The following TANC1 variants were observed in gnomAD, a reference collection of about 807,000 sequenced individuals.
TANC1 encodes the protein protein TANC1.
A neutral mutation model predicts 149.7 loss-of-function variants in TANC1; 77 were observed. The observed-to-expected ratio is 0.51, with a 90% CI of 0.43 to 0.62. TANC1 has a LOEUF of 0.62. Among genes scored for constraint, TANC1 ranks in the 20% least tolerant of loss-of-function variants. The pLI is 0.00. For synonymous variants in TANC1, 854 were observed against 925.0 expected, an observed-to-expected ratio of 0.92 and a Z score of 1.39; for missense variants, 1,985 against 2,321.8, an observed-to-expected ratio of 0.85 and a Z score of 2.98.
At chr2:159,209,471 G>A (rs149781492) in intron 19 of TANC1, among the ~76,000 whole-genome samples, 61 of 152,264 alleles carry the variant, frequency 4.0e-4, no homozygotes, top group African/African-American at 1.2e-3. Context: ...AAGGTGGGGC[G>A]GGGAGGCAAG....
At position 159,049,371 on chromosome 2, in the gene TANC1, G is replaced by T. The variant is rs191615936; in HGVS notation, c.-15-16525G>T. Among the ~76,000 whole-genome samples the T allele has an allele frequency of 1.5e-3, 189 of 123,330 alleles. 1 individual carries two copies. Among genetic ancestry groups the T allele is most frequent in the African/African-American group, 5.5e-3 (184 of 33,554 alleles). The allele number at this position is 123,330 out of a possible 152,430, so 80.9% of individuals were successfully genotyped here. A position where few individuals can be genotyped will look rare whatever the true frequency, so the allele number is the denominator to read the frequency against. On this transcript the variant is annotated intron_variant, in intron 2 of 26. Transcript: ENST00000263635. ...TTTTACAAGGGTTACATTGGTTTAT[G>T]TTAGGATTCAAGAAGAATTTATGTA...
At chr2:158,999,242 G>A (rs780316013) in intron 1 of TANC1, among the ~76,000 whole-genome samples, 4 of 152,136 alleles carry the variant, frequency 2.6e-5, no homozygotes, top group African/African-American at 9.7e-5. Flanking sequence ...ACCATCTGCA[G>A]CTCCCTGGGG....
intron 2 of TANC1, among the ~76,000 whole-genome samples, chr2:159,009,005 A>G (rs931623016): frequency 3.9e-5 from 6 of 152,148 alleles, no homozygotes; most frequent in Non-Finnish European, 8.8e-5. Context: ...GATCTTGGGG[A>G]CTGGGCTTAA....
intron 16 of TANC1, among the ~76,000 whole-genome samples, chr2:159,191,938 T>C (rs1032011575): frequency 6.6e-6 from 1 of 152,118 alleles, no homozygotes; most frequent in Non-Finnish European, 1.5e-5. Context: ...GTCAGGACCA[T>C]TGAAGTAAGC....
chr2:159,062,886 GAACCCGGGAAGCGGAGC>G, intron 2 of TANC1, among the ~76,000 whole-genome samples: 1 of 146,770 alleles, frequency 6.8e-6, no homozygotes, highest in South Asian at 2.2e-4. Context: ...AGAATGGCGT[GAACCCGGGAAGCGGAGC>G]TTGCAGTGAG....
At chr2:159,104,981 CT>C (rs146778655) in intron 4 of TANC1, among the ~76,000 whole-genome samples, 1 of 43,386 alleles carries the variant, frequency 2.3e-5, no homozygotes, top group Admixed American at 2.7e-4. Context: ...TGGATATTTG[CT>C]TTTTTTTTTT....
chr2:158,991,092 A>C (rs2035578934), intron 1 of TANC1, among the ~76,000 whole-genome samples: 2 of 33,200 alleles, frequency 6.0e-5, no homozygotes, highest in African/African-American at 1.1e-4. Context: ...ATCCTGTGTC[A>C]AAAAAAAAAA....
intron 3 of TANC1, among the ~76,000 whole-genome samples, chr2:159,094,836 G>A (rs1227899856): frequency 1.3e-5 from 2 of 152,110 alleles, no homozygotes; most frequent in East Asian, 1.9e-4. Context: ...AGGAGGAAAG[G>A]CCTCTAACTC....
At chr2:159,035,815 AAGG>A (rs2040144204) in intron 2 of TANC1, among the ~76,000 whole-genome samples, 2 of 152,106 alleles carry the variant, frequency 1.3e-5, no homozygotes, top group East Asian at 3.9e-4. Flanking sequence ...TAAACTCAGA[AAGG>A]ACTTTTCCCC....
Position 159,163,448 on chromosome 2 carries a change from G to A in TANC1, c.848G>A (p.Ser283Asn). 2 of 1,614,092 alleles carry A rather than the reference G, an allele frequency of 1.2e-6. No homozygotes were observed. The highest frequency in any genetic ancestry group is 8.5e-7 in the Non-Finnish European group (1 of 1,180,014). The change falls in exon 8 of 27, where the codon AGC becomes AAC. Residue 283 changes from serine to asparagine, a missense_variant. This residue lies in a region of TANC1 where 557 missense variants were observed against 612.9 expected (regional missense o/e 0.91). Transcript: ENST00000263635. ...AEEETTGSAE[S>N]TLPKAESSAG... ...GAGGAGACCACCGGGTCAGCAGAGA[G>A]CACGCTGCCCAAAGCAGAATCCTCA...
At chr2:159,216,197 T>C (rs2059335474) in intron 19 of TANC1, among the ~76,000 whole-genome samples, 2 of 152,186 alleles carry the variant, frequency 1.3e-5, no homozygotes, top group Admixed American at 1.3e-4. Flanking sequence ...ATAGGCTCCC[T>C]GGCATGGGGA....
rs370179463 is a variant in TANC1 at position 159,229,873 on chromosome 2, G to A, written c.4447G>A (p.Val1483Ile). ...PTPRSQPSSS[V>I]PSSYIRNLQE... Reference sequence around the variant, plus strand: ...TCCCAGGTCCCAGCCATCCTCATCTGTCCCTTCCTCATACATCCGAAACCT... The same window carrying A: ...TCCCAGGTCCCAGCCATCCTCATCTATCCCTTCCTCATACATCCGAAACCT... The change falls in exon 27 of 27, where the codon GTC becomes ATC. Residue 1483 changes from valine (V) to isoleucine (I), a missense_variant. Val to Ile is a conservative substitution (Grantham distance 29). This residue lies in a region of TANC1 where 920 missense variants were observed against 994.7 expected (regional missense o/e 0.92). Coordinates refer to ENST00000263635, the MANE Select transcript of TANC1 (RefSeq NM_033394.3). 7 of 1,614,092 alleles carry A rather than the reference G, an allele frequency of 4.3e-6. No individual in the cohort carries two copies. Among genetic ancestry groups the A allele is most frequent in the Admixed American group, 1.7e-5 (1 of 60,022 alleles).
At chr2:159,204,228 T>C (rs780053262) in intron 19 of TANC1, among the ~76,000 whole-genome samples, 26 of 152,112 alleles carry the variant, frequency 1.7e-4, no homozygotes, top group Non-Finnish European at 3.1e-4. Flanking sequence ...GTGAGGGAGA[T>C]GTTCACTTGC....
intron 8 of TANC1, among the ~76,000 whole-genome samples, chr2:159,168,762 A>G (rs1002584554): frequency 4.0e-4 from 61 of 152,318 alleles, no homozygotes; most frequent in African/African-American, 1.4e-3. Flanking sequence ...GAATATGATT[A>G]TACTATTACT....
intron 4 of TANC1, among the ~76,000 whole-genome samples, chr2:159,105,183 A>G (rs1218762535): frequency 5.3e-5 from 8 of 150,052 alleles, no homozygotes; most frequent in African/African-American, 9.8e-5. Context: ...TTTAGTAGAG[A>G]CGGGGTTTCA....
chr2:159,025,364 A>C (rs554607748), intron 2 of TANC1, among the ~76,000 whole-genome samples: 2 of 152,056 alleles, frequency 1.3e-5, no homozygotes, highest in South Asian at 4.2e-4. Context: ...GTTGTTAACT[A>C]TAGCCTTCAT....
chr2:159,020,055 C>T (rs1176847449), intron 2 of TANC1, among the ~76,000 whole-genome samples: 1 of 152,116 alleles, frequency 6.6e-6, no homozygotes, highest in Non-Finnish European at 1.5e-5. Context: ...TGTAGAACTT[C>T]GTAATTTATT....
chr2:159,169,837 A>G (rs2055005033), intron 9 of TANC1, among the ~76,000 whole-genome samples: 1 of 152,130 alleles, frequency 6.6e-6, no homozygotes, highest in Non-Finnish European at 1.5e-5. Flanking sequence ...TGTTAAAAAT[A>G]TAAAAATTAG....
Position 159,150,538 on chromosome 2 carries a change from A to T in TANC1, c.664A>T (p.Lys222Ter). 6.2e-7 allele frequency: 1 copy of T among 1,613,908 alleles called. No homozygotes were observed. The highest frequency in any genetic ancestry group is 8.5e-7 in the Non-Finnish European group (1 of 1,179,790). ...ISSPSSTLES[K>*]DSGIIATITS... ...CAGCCCTAGTTCCACCCTGGAAAGC[A>T]AGGACAGTGGAATTATAGGTAAGAA... The change falls in exon 7 of 27, where the codon AAG becomes TAG. Residue 222 changes from lysine (K) to a stop codon, truncating the protein, a stop_gained. Coordinates refer to ENST00000263635, the MANE Select transcript of TANC1 (RefSeq NM_033394.3). LOFTEE classifies it high-confidence loss of function.
Sources: allele counts gnomAD v4.1 joint callset (sites outside exome capture counted in the v4.1 genomes callset), GRCh38; gene constraint gnomAD v4.1.1; regional missense constraint gnomAD v4.1.1; transcripts MANE v1.5; gene names NCBI Gene and HGNC (gene_info 2026-07-23, HGNC 2026-07-21).